The following PHF24 variants were observed in gnomAD, a reference collection of about 807,000 sequenced individuals.
The protein encoded by PHF24 is PHD finger protein 24.
In PHF24, 25 loss-of-function variants were observed where a neutral mutation model predicts 42.6. The ratio of observed to expected loss-of-function variants is 0.59; its 90% CI spans 0.43 to 0.82. The LOEUF (loss-of-function observed/expected upper bound fraction) is 0.82, where lower values mean the gene tolerates loss of function less well. Among genes scored for constraint, PHF24 ranks in the 40% least tolerant of loss-of-function variants. PHF24 has a pLI of 0.00. For missense variants in PHF24, 470 were observed against 538.1 expected (o/e 0.87, Z 1.25); for synonymous variants, 185 against 204.8 (o/e 0.90, Z 0.83).
the PHF24 span, among the ~76,000 whole-genome samples, chr9:34,748,109 G>T: frequency 2.0e-5 from 3 of 152,182 alleles, no homozygotes; most frequent in Non-Finnish European, 4.4e-5. Context: ...AGAAGGGAGG[G>T]TAGGAGGTGA....
Position 34,976,516 on chromosome 9 carries a change from C to T in PHF24, c.644-19C>T. The T allele has an allele frequency of 6.2e-7, 1 of 1,603,994 alleles. No individual in the cohort carries two copies. The highest frequency in any genetic ancestry group is 2.2e-5 in the East Asian group (1 of 44,676). ...GCTGAGGAAGGATGGGCATGGCTAG[C>T]ACGGGGTGCCTCCCACAGATTGCTC... On this transcript the variant is annotated intron_variant, in intron 4 of 7. Coordinates refer to ENST00000242315, the Ensembl canonical transcript of PHF24.
chr9:34,729,599 G>A, the PHF24 span: 2 of 621,738 alleles, frequency 3.2e-6, no homozygotes, highest in Admixed American at 6.2e-5. Flanking sequence ...CATGTAGTAG[G>A]GAAGCTCATG....
At chr9:34,740,425 G>A in the PHF24 span, among the ~76,000 whole-genome samples, 4 of 152,240 alleles carry the variant, frequency 2.6e-5, no homozygotes, top group South Asian at 2.1e-4. Flanking sequence ...GCGCAGCGCC[G>A]GTGGGCGGGC....
the PHF24 span, among the ~76,000 whole-genome samples, chr9:34,675,732 G>A: frequency 6.6e-6 from 1 of 152,134 alleles, no homozygotes; most frequent in African/African-American, 2.4e-5. Context: ...GAACCTCAGG[G>A]TGCCTGGGCC....
At chr9:34,738,749 TAA>T in the PHF24 span, among the ~76,000 whole-genome samples, 15 of 152,222 alleles carry the variant, frequency 9.9e-5, no homozygotes, top group African/African-American at 3.4e-4. Flanking sequence ...CTTTCTGATA[TAA>T]GAGACGGGAT....
At chr9:34,665,787 C>A in the PHF24 span, 1 of 641,750 alleles carries the variant, frequency 1.6e-6, no homozygotes, top group Non-Finnish European at 2.8e-6. Context: ...GGCTGATGCC[C>A]CCGAGAAGCC....
chr9:34,750,635 A>G, the PHF24 span, among the ~76,000 whole-genome samples: 1 of 152,238 alleles, frequency 6.6e-6, no homozygotes, highest in African/African-American at 2.4e-5. Context: ...TAATCAGTTT[A>G]AAATAATGTT....
the PHF24 span, chr9:34,917,400 G>A: frequency 1.3e-6 from 1 of 770,272 alleles, no homozygotes; most frequent in Non-Finnish European, 2.4e-6. Context: ...GGCTCCAACA[G>A]TGACATGTAT....
At chr9:34,724,055 T>C in the PHF24 span, 1 of 1,513,514 alleles carries the variant, frequency 6.6e-7, no homozygotes, top group Non-Finnish European at 8.9e-7. Context: ...CGCATCCCCT[T>C]CTCTGTGGTC....
chr9:34,925,576 A>T, the PHF24 span, among the ~76,000 whole-genome samples: 1 of 151,758 alleles, frequency 6.6e-6, no homozygotes, highest in Non-Finnish European at 1.5e-5. Context: ...GAAGTTGTGG[A>T]TTGTATTTTT....
chr9:34,849,584 G>A, the PHF24 span, among the ~76,000 whole-genome samples: 5 of 152,194 alleles, frequency 3.3e-5, no homozygotes, highest in Admixed American at 3.3e-4. Context: ...TTTAATTGGA[G>A]CATTTAGTCC....
the PHF24 span, among the ~76,000 whole-genome samples, chr9:34,853,962 A>T: frequency 6.6e-6 from 1 of 151,262 alleles, no homozygotes; most frequent in African/African-American, 2.4e-5. Context: ...AGAACTTGTT[A>T]TTGGTCTTTT....
chr9:34,788,900 AGCTAGCTACAT>A, the PHF24 span, among the ~76,000 whole-genome samples: 2 of 152,236 alleles, frequency 1.3e-5, no homozygotes, highest in Non-Finnish European at 2.9e-5. Flanking sequence ...GTCAGAATGT[AGCTAGCTACAT>A]GCTGATAAGG....
At chr9:34,860,148 G>A in the PHF24 span, among the ~76,000 whole-genome samples, 50 of 152,244 alleles carry the variant, frequency 3.3e-4, no homozygotes, top group Admixed American at 2.0e-4. Context: ...AACTGTCTAC[G>A]CTGTAAGCTG....
chr9:34,789,850 T>G, the PHF24 span, among the ~76,000 whole-genome samples: 1 of 152,194 alleles, frequency 6.6e-6, no homozygotes, highest in African/African-American at 2.4e-5. Context: ...TGTTTGTTTT[T>G]GTTTGGTTTT....
At chr9:34,934,814 A>C in the PHF24 span, among the ~76,000 whole-genome samples, 1 of 152,234 alleles carries the variant, frequency 6.6e-6, no homozygotes, top group African/African-American at 2.4e-5. Flanking sequence ...ATGGGTGCTG[A>C]ATAATGTAGC....
the PHF24 span, among the ~76,000 whole-genome samples, chr9:34,686,427 G>A: frequency 5.3e-5 from 8 of 152,154 alleles, no homozygotes; most frequent in South Asian, 8.3e-4. Context: ...GGTGGGGGGC[G>A]GGGCATGGTG....
chr9:34,894,859 A>G, the PHF24 span, among the ~76,000 whole-genome samples: 1 of 152,018 alleles, frequency 6.6e-6, no homozygotes, highest in Non-Finnish European at 1.5e-5. Flanking sequence ...GAATTTTTTA[A>G]TGTGCCTAGG....
At chr9:34,718,116 G>C in the PHF24 span, among the ~76,000 whole-genome samples, 2 of 152,176 alleles carry the variant, frequency 1.3e-5, no homozygotes, top group Non-Finnish European at 2.9e-5. Context: ...ATTCCCATGG[G>C]TCAGTCTGCC....
Sources: gnomAD v4.1 joint callset for allele counts (sites outside exome capture counted in the v4.1 genomes callset) on GRCh38, gnomAD v4.1.1 for gene constraint, MANE v1.5 for transcripts, NCBI Gene and HGNC (gene_info 2026-07-23, HGNC 2026-07-21) for gene names.